Variants in PKIA observed in about 807,000 individuals in gnomAD.
PKIA encodes cAMP-dependent protein kinase inhibitor alpha, also known as PKI-alpha.
A neutral mutation model predicts 7.6 loss-of-function variants in PKIA; 4 were observed. That is an observed-to-expected ratio of 0.52 (90% CI 0.26 to 1.20). PKIA has a LOEUF of 1.20. PKIA is among the 50% of genes most tolerant of loss of function. The probability of loss-of-function intolerance (pLI) is 0.13; values close to 1 mark genes in which losing one functional copy is unlikely to be tolerated. For missense variants in PKIA, 73 were observed against 86.2 expected, an observed-to-expected ratio of 0.85 and a Z score of 0.61; for synonymous variants, 21 against 30.7, an observed-to-expected ratio of 0.68 and a Z score of 1.04.
chr8:78,560,004 A>G (rs1243756883), intron 1 of PKIA, among the ~76,000 whole-genome samples: 2 of 152,222 alleles, frequency 1.3e-5, no homozygotes, highest in Non-Finnish European at 1.5e-5. Flanking sequence ...ATAATTATAT[A>G]TATGCTACTT....
intron 2 of PKIA, among the ~76,000 whole-genome samples, chr8:78,574,432 A>G (rs1807627739): frequency 6.6e-6 from 1 of 152,002 alleles, no homozygotes; most frequent in African/African-American, 2.4e-5. Context: ...ATACTTTTCC[A>G]TGGGTAGTAC....
At chr8:78,534,673 C>T (rs937034332) in intron 1 of PKIA, 4 of 152,114 alleles carry the variant, frequency 2.6e-5, no homozygotes, top group African/African-American at 9.7e-5. Context: ...TAGTGAGACT[C>T]TGCTTCTTAC....
chr8:78,588,492 AAAC>A (rs1244361702), intron 2 of PKIA, among the ~76,000 whole-genome samples: 1 of 152,096 alleles, frequency 6.6e-6, no homozygotes, highest in African/African-American at 2.4e-5. Context: ...AAAAAAATAT[AAAC>A]AACAACAACA....
intron 2 of PKIA, among the ~76,000 whole-genome samples, chr8:78,597,590 C>G: frequency 6.6e-6 from 1 of 152,240 alleles, no homozygotes; most frequent in East Asian, 1.9e-4. Context: ...TAGCACCCCC[C>G]ACCTGATCTC....
At chr8:78,567,009 A>G (rs1394566049) in intron 1 of PKIA, among the ~76,000 whole-genome samples, 1 of 152,192 alleles carries the variant, frequency 6.6e-6, no homozygotes, top group African/African-American at 2.4e-5. Context: ...AGTAAGGTAA[A>G]GCAAACTCAA....
intron 1 of PKIA, among the ~76,000 whole-genome samples, chr8:78,551,679 C>T (rs1485778615): frequency 6.6e-6 from 1 of 151,834 alleles, no homozygotes; most frequent in African/African-American, 2.4e-5. Context: ...TTTGGGGTAC[C>T]TTCCAAAACA....
At chr8:78,533,916 A>G (rs1156654490) in intron 1 of PKIA, 1 of 152,164 alleles carries the variant, frequency 6.6e-6, no homozygotes, top group East Asian at 1.9e-4. Context: ...ACTCAGTTTA[A>G]TATGCATGTT....
At chr8:78,601,627 A>T in intron 3 of PKIA, 115 bp from the exon 4 acceptor site, 1 of 759,814 alleles carries the variant, frequency 1.3e-6, no homozygotes, top group Non-Finnish European at 2.2e-6. Flanking sequence ...TGTTCCTTCA[A>T]GGTTTCAGGC....
chr8:78,547,118 TG>T (rs199607554), intron 1 of PKIA, among the ~76,000 whole-genome samples: 3,437 of 152,228 alleles, frequency 0.023, 58 homozygotes, highest in Non-Finnish European at 0.035. Flanking sequence ...TTTGTTTGTT[TG>T]TTTTTTTGTG....
intron 1 of PKIA, among the ~76,000 whole-genome samples, chr8:78,559,383 G>A (rs765518093): frequency 3.3e-5 from 5 of 152,142 alleles, no homozygotes; most frequent in Admixed American, 6.6e-5. Context: ...GGGCAGTGGT[G>A]GGAAGACTGA....
chr8:78,521,621 A>G (rs910306001), intron 1 of PKIA, among the ~76,000 whole-genome samples: 2 of 152,050 alleles, frequency 1.3e-5, no homozygotes, highest in Admixed American at 1.3e-4. Context: ...GATTATAACT[A>G]TATAAGTGTC....
intron 1 of PKIA, among the ~76,000 whole-genome samples, chr8:78,539,176 G>C (rs1327390692): frequency 6.6e-6 from 1 of 152,048 alleles, no homozygotes; most frequent in Non-Finnish European, 1.5e-5. Context: ...ATAATTTTCT[G>C]AACAGTAACA....
At chr8:78,598,871 C>T (rs1261353876) in intron 3 of PKIA, among the ~76,000 whole-genome samples, 5 of 151,952 alleles carry the variant, frequency 3.3e-5, no homozygotes, top group African/African-American at 2.4e-5. Flanking sequence ...GAGCTCCTAC[C>T]TTTGACAATA....
chr8:78,590,646 AT>A (rs536599170), intron 2 of PKIA, among the ~76,000 whole-genome samples: 149 of 146,778 alleles, frequency 1.0e-3, no homozygotes, highest in Admixed American at 1.6e-3. Flanking sequence ...ACTTGTCACT[AT>A]TTTTTTTTTT....
intron 1 of PKIA, among the ~76,000 whole-genome samples, chr8:78,538,095 G>A (rs1008425225): frequency 8.6e-5 from 13 of 151,098 alleles, no homozygotes; most frequent in African/African-American, 2.2e-4. Flanking sequence ...CTTTCTCTAC[G>A]TCCCTGTGCT....
chr8:78,539,076 A>T (rs1162402446), intron 1 of PKIA, among the ~76,000 whole-genome samples: 1 of 152,120 alleles, frequency 6.6e-6, no homozygotes, highest in East Asian at 1.9e-4. Context: ...GCAGGCCTGG[A>T]AATCAGCTGT....
intron 2 of PKIA, among the ~76,000 whole-genome samples, chr8:78,576,012 C>T (rs923319929): frequency 4.6e-5 from 7 of 151,960 alleles, no homozygotes; most frequent in African/African-American, 9.7e-5. Context: ...ATGGCTTTTT[C>T]GCTGTTTGCA....
chr8:78,571,872 T>C (rs959811170), intron 1 of PKIA, among the ~76,000 whole-genome samples: 2 of 152,080 alleles, frequency 1.3e-5, no homozygotes, highest in Non-Finnish European at 2.9e-5. Flanking sequence ...TCATTGTCTG[T>C]CGCTCCTAGA....
Position 78,600,773 on chromosome 8 carries a change from G to A in PKIA, c.152-969G>A, listed in dbSNP as rs531049610. Among the ~76,000 whole-genome samples the A allele has an allele frequency of 1.1e-4, 17 of 152,164 alleles. No homozygotes were observed. The South Asian group carries it at 3.5e-3, about 32-fold the overall frequency. On this transcript the variant is annotated intron_variant, in intron 3 of 3. Coordinates refer to ENST00000396418, the MANE Select transcript of PKIA (RefSeq NM_006823.4). ...GTTTTAATTTCCCTAAAGATTTAAT[G>A]TTGTTGGAGTATGGTGAGGTGCTTT...
Sources: allele counts gnomAD v4.1 joint callset (sites outside exome capture counted in the v4.1 genomes callset), GRCh38; gene constraint gnomAD v4.1.1; transcripts MANE v1.5; gene names NCBI Gene and HGNC (gene_info 2026-07-23, HGNC 2026-07-21).